Variants in DENND1B observed in about 807,000 individuals in gnomAD.
DENND1B encodes the protein DENN domain containing 1B.
Under a neutral mutation model 90.1 loss-of-function variants are expected in DENND1B, and 59 were observed. That is an observed-to-expected ratio of 0.65 (90% CI 0.53 to 0.81). The LOEUF (loss-of-function observed/expected upper bound fraction) is 0.81, where lower values mean the gene tolerates loss of function less well. Ranked by LOEUF, DENND1B falls within the 40% of genes least tolerant of loss-of-function variation. The pLI, the probability that DENND1B is intolerant of heterozygous loss-of-function variation, is 0.00. For synonymous variants in DENND1B, 337 were observed against 324.6 expected, an observed-to-expected ratio of 1.04 and a Z score of -0.41; for missense variants, 862 against 912.6, an observed-to-expected ratio of 0.94 and a Z score of 0.71.
At chr1:197,729,722 C>T (rs964216497) in intron 2 of DENND1B, among the ~76,000 whole-genome samples, 1 of 152,174 alleles carries the variant, frequency 6.6e-6, no homozygotes, top group Admixed American at 6.5e-5. Context: ...CAGTACCTCT[C>T]AAGCTTTTTG....
intron 7 of DENND1B, among the ~76,000 whole-genome samples, chr1:197,651,370 T>G (rs996644799): frequency 1.3e-5 from 2 of 152,038 alleles, no homozygotes; most frequent in African/African-American, 2.4e-5. Context: ...TCGTTAAAAG[T>G]TTCAATAGTA....
At chr1:197,744,178 ACCT>A (rs1161431126) in intron 2 of DENND1B, among the ~76,000 whole-genome samples, 1 of 152,022 alleles carries the variant, frequency 6.6e-6, no homozygotes, top group African/African-American at 2.4e-5. Context: ...CGATATTTTG[ACCT>A]CCTCCCATGA....
chr1:197,767,777 G>A (rs1655874463), intron 2 of DENND1B, among the ~76,000 whole-genome samples: 1 of 152,154 alleles, frequency 6.6e-6, no homozygotes, highest in South Asian at 2.1e-4. Context: ...GTTTTAGGTG[G>A]AATTATATTG....
intron 5 of DENND1B, among the ~76,000 whole-genome samples, chr1:197,666,943 G>A (rs575022582): frequency 1.3e-5 from 2 of 152,218 alleles, no homozygotes; most frequent in African/African-American, 4.8e-5. Context: ...AGACCATCCT[G>A]GCCAACATGG....
At chr1:197,782,005 G>A in the DENND1B span, among the ~76,000 whole-genome samples, 3 of 152,038 alleles carry the variant, frequency 2.0e-5, no homozygotes, top group African/African-American at 7.2e-5. Context: ...ACCAGTTTCT[G>A]CTTGTTCTCC....
chr1:197,543,136 T>C (rs893446957), intron 18 of DENND1B, among the ~76,000 whole-genome samples: 1 of 152,092 alleles, frequency 6.6e-6, no homozygotes, highest in South Asian at 2.1e-4. Flanking sequence ...GGTTTCACCA[T>C]GTTGGCCAGG....
intron 2 of DENND1B, among the ~76,000 whole-genome samples, chr1:197,729,071 T>A (rs1451645904): frequency 6.6e-6 from 1 of 152,152 alleles, no homozygotes; most frequent in Non-Finnish European, 1.5e-5. Flanking sequence ...CTTTTCTCTG[T>A]CTCTCTAAAA....
chr1:197,724,780 T>A (rs1661480234), intron 2 of DENND1B, among the ~76,000 whole-genome samples: 1 of 152,148 alleles, frequency 6.6e-6, no homozygotes, highest in East Asian at 1.9e-4. Flanking sequence ...CTAGCAAATT[T>A]TGAAAACTAG....
chr1:197,540,919 A>G, intron 19 of DENND1B, 40 bp downstream of exon 19: 1 of 1,569,140 alleles, frequency 6.4e-7, no homozygotes, highest in Non-Finnish European at 8.7e-7. Context: ...AAACTAATAC[A>G]AGAATCAAGG....
At chr1:197,721,304 C>G (rs191583824) in intron 2 of DENND1B, among the ~76,000 whole-genome samples, 1 of 151,868 alleles carries the variant, frequency 6.6e-6, no homozygotes, top group Admixed American at 6.6e-5. Flanking sequence ...CTCCTGACCT[C>G]GTGATCCGCC....
chr1:197,644,968 C>T (rs917941991), intron 9 of DENND1B, among the ~76,000 whole-genome samples: 4 of 152,034 alleles, frequency 2.6e-5, no homozygotes, highest in African/African-American at 4.8e-5. Context: ...AGAAAAATTA[C>T]GTAAGGGAAT....
At chr1:197,526,064 G>C (rs1048937374) in intron 20 of DENND1B, among the ~76,000 whole-genome samples, 3 of 152,064 alleles carry the variant, frequency 2.0e-5, no homozygotes, top group African/African-American at 7.2e-5. Flanking sequence ...AGTGTTTTAT[G>C]TTAGGAAAAC....
At chr1:197,743,313 T>C (rs927041329) in intron 2 of DENND1B, among the ~76,000 whole-genome samples, 4 of 152,296 alleles carry the variant, frequency 2.6e-5, no homozygotes, top group Non-Finnish European at 5.9e-5. Context: ...CACACAAATT[T>C]TGTGGTTTCC....
intron 20 of DENND1B, among the ~76,000 whole-genome samples, chr1:197,522,416 A>T (rs1224489259): frequency 6.6e-6 from 1 of 152,086 alleles, no homozygotes; most frequent in East Asian, 1.9e-4. Context: ...ATGTGGCCGT[A>T]ACACATCCAA....
upstream of DENND1B, among the ~76,000 whole-genome samples, chr1:197,778,446 G>A (rs966353601): frequency 5.9e-5 from 9 of 152,100 alleles, no homozygotes; most frequent in Admixed American, 3.9e-4. Context: ...AGGCTAAGGC[G>A]GGTAGATTAG....
chr1:197,619,391 G>A (rs1677944018), intron 10 of DENND1B, among the ~76,000 whole-genome samples: 1 of 151,144 alleles, frequency 6.6e-6, no homozygotes. Context: ...CTTTAAGACT[G>A]TATTAACTCT....
intron 19 of DENND1B, among the ~76,000 whole-genome samples, chr1:197,540,290 T>C (rs920619251): frequency 4.6e-5 from 7 of 151,924 alleles, no homozygotes; most frequent in African/African-American, 1.7e-4. Context: ...TTTATACTGA[T>C]AAATTTAATT....
At chr1:197,617,289 T>C (rs1014662001) in intron 11 of DENND1B, among the ~76,000 whole-genome samples, 19 of 151,098 alleles carry the variant, frequency 1.3e-4, no homozygotes, top group Non-Finnish European at 7.4e-5. Context: ...GACAATGTGG[T>C]TGCTGGCAGA....
Position 197,504,880 on chromosome 1 carries a change from A to G in DENND1B, c.*5580T>C, listed in dbSNP as rs1206427111. On this transcript the variant is annotated 3_prime_UTR_variant, in exon 23 of 23. Transcript: ENST00000620048. ...CGATGCTTTTATACACATCTTCCCAATAGTAGTCAAGTTTGGAGATGATTT... is the reference window on the plus strand; with the variant it reads ...CGATGCTTTTATACACATCTTCCCAGTAGTAGTCAAGTTTGGAGATGATTT... 6.6e-6 allele frequency: 1 copy of G among 151,790 alleles called. No homozygotes were observed. The highest frequency in any genetic ancestry group is 1.5e-5 in the Non-Finnish European group (1 of 67,856). The allele number at this position is 151,790 out of a possible 1,614,324, so 9.4% of individuals were successfully genotyped here.
Sources: gnomAD v4.1 joint callset for allele counts (sites outside exome capture counted in the v4.1 genomes callset) on GRCh38, gnomAD v4.1.1 for gene constraint, MANE v1.5 for transcripts, NCBI Gene and HGNC (gene_info 2026-07-23, HGNC 2026-07-21) for gene names.